UGT1A10: variants seen among roughly 807,000 people sequenced by gnomAD.
UGT1A10 encodes the protein UDP-glucuronosyltransferase 1A10.
A neutral mutation model predicts 45.8 loss-of-function variants in UGT1A10; 49 were observed. That is an observed-to-expected ratio of 1.07 (90% confidence interval 0.85 to 1.36). UGT1A10 has a LOEUF of 1.36. UGT1A10 is among the 40% of genes most tolerant of loss of function. The pLI is 0.00. For missense variants in UGT1A10, 745 were observed against 668.6 expected, an observed-to-expected ratio of 1.11 and a Z score of -1.26; for synonymous variants, 284 against 249.7, an observed-to-expected ratio of 1.14 and a Z score of -1.29.
At chr2:233,711,602 G>A (rs764299544) in intron 1 of UGT1A10, among the ~76,000 whole-genome samples, 1 of 152,140 alleles carries the variant, frequency 6.6e-6, no homozygotes, top group Non-Finnish European at 1.5e-5. Flanking sequence ...TCCTGCCTGC[G>A]CCCTCTGGTG....
At chr2:233,771,960 T>A (rs1700422086) in intron 4 of UGT1A10, among the ~76,000 whole-genome samples, 1 of 152,076 alleles carries the variant, frequency 6.6e-6, no homozygotes, top group Non-Finnish European at 1.5e-5. Flanking sequence ...ACAAAAAATT[T>A]AAAAATTGGC....
chr2:233,671,982 G>A (rs2074205125), intron 1 of UGT1A10: 1 of 1,614,058 alleles, frequency 6.2e-7, no homozygotes, highest in South Asian at 1.1e-5. Context: ...GTGTGTGTCT[G>A]CTGCTGACCT....
intron 1 of UGT1A10, among the ~76,000 whole-genome samples, chr2:233,642,492 A>G (rs2073477385): frequency 6.6e-6 from 1 of 152,204 alleles, no homozygotes; most frequent in Non-Finnish European, 1.5e-5. Context: ...GGTCGCTTAT[A>G]TCTGTTTCTC....
intron 1 of UGT1A10, chr2:233,743,960 G>A (rs745723342): frequency 3.1e-5 from 42 of 1,334,096 alleles, no homozygotes; most frequent in South Asian, 3.6e-5. Flanking sequence ...CACAGCGAGC[G>A]GCAAGGCTGC....
intron 1 of UGT1A10, chr2:233,672,408 C>T (rs2074225732): frequency 1.2e-6 from 2 of 1,613,772 alleles, no homozygotes; most frequent in Non-Finnish European, 1.7e-6. Context: ...TAATTGTTGC[C>T]AAATATTTCT....
At position 233,680,264 on chromosome 2, in the gene UGT1A10, A is replaced by C. The variant is rs28970017; in HGVS notation, c.855+42887A>C. Among the ~76,000 whole-genome samples the C allele has an allele frequency of 1.2e-3, 190 of 152,334 alleles. 1 individual carries two copies. In the East Asian group the frequency reaches 0.017, roughly 13 times the overall value. On this transcript the variant is annotated intron_variant, in intron 1 of 4. Coordinates refer to ENST00000344644, the MANE Select transcript of UGT1A10 (RefSeq NM_019075.4). ...AAAATTACACTAAACATGATGAAAA[A>C]TACAGTAGAACCATAAGAGATCATT... is the stretch of plus-strand genomic sequence containing the variant.
At chr2:233,725,753 T>TA (rs1238799010) in intron 1 of UGT1A10, among the ~76,000 whole-genome samples, 1 of 152,188 alleles carries the variant, frequency 6.6e-6, no homozygotes, top group Non-Finnish European at 1.5e-5. Context: ...GTAAGAGACT[T>TA]ACATTTTCTT....
At chr2:233,664,707 A>G (rs949519991) in intron 1 of UGT1A10, among the ~76,000 whole-genome samples, 17 of 152,212 alleles carry the variant, frequency 1.1e-4, no homozygotes, top group Non-Finnish European at 1.9e-4. Context: ...ATCCACCCCC[A>G]TGATCCAAAC....
intron 1 of UGT1A10, among the ~76,000 whole-genome samples, chr2:233,664,327 T>C (rs2074033079): frequency 6.6e-6 from 1 of 152,190 alleles, no homozygotes; most frequent in Non-Finnish European, 1.5e-5. Context: ...AGTTCCAAAG[T>C]TGCTTCCAAA....
At chr2:233,694,323 T>G (rs764073921) in intron 1 of UGT1A10, among the ~76,000 whole-genome samples, 4 of 152,006 alleles carry the variant, frequency 2.6e-5, no homozygotes, top group Non-Finnish European at 5.9e-5. Flanking sequence ...TTTCCTTTTA[T>G]GTTGAGACCT....
intron 1 of UGT1A10, among the ~76,000 whole-genome samples, chr2:233,722,436 A>T (rs984316554): frequency 6.6e-5 from 10 of 152,092 alleles, no homozygotes; most frequent in African/African-American, 2.4e-4. Flanking sequence ...GAATTATTTG[A>T]TTGGTCTTCT....
chr2:233,693,402 G>A, intron 1 of UGT1A10: 1 of 1,614,140 alleles, frequency 6.2e-7, no homozygotes, highest in Non-Finnish European at 8.5e-7. Context: ...CTGCAGGACA[G>A]GGACACCCTG....
At position 233,713,862 on chromosome 2, in the gene UGT1A10, T is replaced by G. The variant is rs765022217; in HGVS notation, c.856-53172T>G. 94 of 1,613,944 alleles carry G rather than the reference T, an allele frequency of 5.8e-5. No homozygotes were observed. In the African/African-American group the frequency reaches 1.1e-3, roughly 20 times the overall value. On this transcript the variant is annotated intron_variant, in intron 1 of 4. Transcript: ENST00000344644. ...CAACGGGAAGCCACTATCTCAGGTC[T>G]GTATTGGTGCCTTTATCCAATCAAT...
At chr2:233,734,096 T>G (rs1379771064) in intron 1 of UGT1A10, among the ~76,000 whole-genome samples, 5 of 151,518 alleles carry the variant, frequency 3.3e-5, no homozygotes, top group African/African-American at 9.8e-5. Context: ...CCCTAAAACT[T>G]AAAGTATAAT....
chr2:233,718,176 T>C (rs1244111722), intron 1 of UGT1A10: 1 of 237,604 alleles, frequency 4.2e-6, no homozygotes, highest in Non-Finnish European at 8.5e-6. Flanking sequence ...TCATCACATC[T>C]TGAGCTCAGC....
chr2:233,697,516 A>T (rs6715829), intron 1 of UGT1A10, among the ~76,000 whole-genome samples: 54,219 of 147,148 alleles, frequency 0.37, 10,143 homozygotes, highest in African/African-American at 0.45. Flanking sequence ...TTTTTTTTTT[A>T]AAAAACTTTT....
Position 233,649,034 on chromosome 2 carries a change from A to G in UGT1A10, c.855+11657A>G, listed in dbSNP as rs111276120. Reference sequence around the variant, plus strand: ...GGAAAGCCAGTGCCTATGGTAAGTCATTGCTCCTTTAGCACATTAAAAGTA... The same window carrying G: ...GGAAAGCCAGTGCCTATGGTAAGTCGTTGCTCCTTTAGCACATTAAAAGTA... On this transcript the variant is annotated intron_variant, in intron 1 of 4. Coordinates refer to ENST00000344644, the MANE Select transcript of UGT1A10 (RefSeq NM_019075.4). 1,053 of 1,199,054 alleles carry G rather than the reference A, an allele frequency of 8.8e-4. 5 individuals carry two copies. In the African/African-American group the frequency reaches 0.015, roughly 17 times the overall value. The allele number at this position is 1,199,054 out of a possible 1,614,324, so 74.3% of individuals were successfully genotyped here.
chr2:233,753,915 A>G (rs890179802), intron 1 of UGT1A10, among the ~76,000 whole-genome samples: 2 of 152,336 alleles, frequency 1.3e-5, no homozygotes, highest in African/African-American at 4.8e-5. Context: ...CACCGATTTC[A>G]GCTCAGTGAT....
intron 1 of UGT1A10, among the ~76,000 whole-genome samples, chr2:233,639,952 G>A (rs895283293): frequency 1.3e-5 from 2 of 152,188 alleles, no homozygotes; most frequent in African/African-American, 4.8e-5. Context: ...AATTTTTGGT[G>A]AGTTCCAACA....
Sources: allele counts gnomAD v4.1 joint callset (sites outside exome capture counted in the v4.1 genomes callset), GRCh38; gene constraint gnomAD v4.1.1; transcripts MANE v1.5; gene names NCBI Gene and HGNC (gene_info 2026-07-23, HGNC 2026-07-21).